The following LYRM4 variants were observed in gnomAD, a reference collection of about 807,000 sequenced individuals.
LYRM4 encodes the protein LYR motif-containing protein 4.
Under a neutral mutation model 11.7 loss-of-function variants are expected in LYRM4, and 9 were observed. The observed-to-expected ratio is 0.77, with a 90% CI of 0.46 to 1.34. The LOEUF is 1.34. LYRM4 is among the 40% of genes most tolerant of loss of function. The pLI is 0.00. For synonymous variants in LYRM4, 42 were observed against 40.4 expected, an observed-to-expected ratio of 1.04 and a Z score of -0.15; for missense variants, 133 against 112.5, an observed-to-expected ratio of 1.18 and a Z score of -0.82.
intron 1 of LYRM4, among the ~76,000 whole-genome samples, chr6:5,243,472 C>CAAT (rs1384368914): frequency 3.9e-5 from 6 of 152,148 alleles, no homozygotes; most frequent in Non-Finnish European, 7.4e-5. Flanking sequence ...CGCTGAAAGG[C>CAAT]AATAACTCTT....
rs1203712841 is a variant in LYRM4, at chr6:5,216,724, C to T, written c.101G>A (p.Arg34Lys). Residue 34 changes from arginine (R) to lysine (K), a missense_variant, in exon 2 of 3, where the codon AGG becomes AAG. By Grantham distance (26) the Arg-to-Lys change is conservative (BLOSUM62 2). Coordinates refer to ENST00000330636, the MANE Select transcript of LYRM4 (RefSeq NM_020408.6). Reference protein sequence around the residue: ...SAYNYRTYAVRRIRDAFRENK... With the variant: ...SAYNYRTYAVKRIRDAFRENK... Reference sequence around the variant, plus strand: ...TTCTCTGAAGGCATCTCTTATCCTCCTGACAGCATATGTTCTAAATGAATT... The same window carrying T: ...TTCTCTGAAGGCATCTCTTATCCTCTTGACAGCATATGTTCTAAATGAATT... 5 of 1,613,168 alleles carry T rather than the reference C, an allele frequency of 3.1e-6. No homozygotes were observed. The South Asian group carries it at 3.3e-5, about 11-fold the overall frequency.
chr6:5,114,162 G>A (rs970455485), intron 2 of LYRM4, among the ~76,000 whole-genome samples: 3 of 152,160 alleles, frequency 2.0e-5, no homozygotes, highest in African/African-American at 2.4e-5. Flanking sequence ...GTTTGTCTCC[G>A]TTCTGCCTGG....
At chr6:5,097,432 G>A in the LYRM4 span, among the ~76,000 whole-genome samples, 10 of 118,462 alleles carry the variant, frequency 8.4e-5, no homozygotes, top group Non-Finnish European at 1.5e-4. Context: ...CAGCTAAAGT[G>A]ATGGGCTAAA....
intron 2 of LYRM4, among the ~76,000 whole-genome samples, chr6:5,196,280 C>G (rs543314545): frequency 2.6e-5 from 4 of 152,298 alleles, no homozygotes; most frequent in Admixed American, 2.6e-4. Flanking sequence ...GGTCCTGGAG[C>G]CTTCACAACC....
At chr6:5,179,169 A>AAT (rs1759925228) in intron 2 of LYRM4, among the ~76,000 whole-genome samples, 2 of 152,124 alleles carry the variant, frequency 1.3e-5, no homozygotes. Context: ...ATTGTGGTAA[A>AAT]ATATATATAA....
intron 2 of LYRM4, among the ~76,000 whole-genome samples, chr6:5,112,708 A>G (rs1561803745): frequency 1.3e-5 from 2 of 152,216 alleles, no homozygotes; most frequent in African/African-American, 4.8e-5. Flanking sequence ...TAGCATGAGG[A>G]GGGCACGCAG....
chr6:5,118,007 G>A (rs1235918804), intron 2 of LYRM4, among the ~76,000 whole-genome samples: 4 of 150,744 alleles, frequency 2.7e-5, no homozygotes, highest in Non-Finnish European at 4.4e-5. Context: ...TTAAGACACT[G>A]CACTTTCCTA....
At chr6:5,117,284 C>T (rs916186737) in intron 2 of LYRM4, among the ~76,000 whole-genome samples, 4 of 152,154 alleles carry the variant, frequency 2.6e-5, no homozygotes, top group Admixed American at 1.3e-4. Context: ...GGGCGGGGCG[C>T]GGTGGCTCAC....
intron 2 of LYRM4, among the ~76,000 whole-genome samples, chr6:5,169,556 C>T (rs970754057): frequency 1.3e-5 from 2 of 151,904 alleles, no homozygotes; most frequent in East Asian, 1.9e-4. Flanking sequence ...AGTGAGTAGG[C>T]GAATTTATAA....
At chr6:5,238,562 T>C (rs969396656) in intron 1 of LYRM4, among the ~76,000 whole-genome samples, 7 of 152,354 alleles carry the variant, frequency 4.6e-5, no homozygotes, top group African/African-American at 1.2e-4. Flanking sequence ...AAATAACCCA[T>C]AGTTTATTCA....
chr6:5,065,172 C>T, the LYRM4 span, among the ~76,000 whole-genome samples: 4 of 152,140 alleles, frequency 2.6e-5, no homozygotes, highest in African/African-American at 4.8e-5. Context: ...TCAGTGTTCT[C>T]CATGTCTTTT....
At chr6:5,148,473 A>T in intron 2 of LYRM4, among the ~76,000 whole-genome samples, 1 of 40,418 alleles carries the variant, frequency 2.5e-5, no homozygotes, top group South Asian at 8.5e-4. Flanking sequence ...AGCTGGGCTG[A>T]GGGGGCAGAG....
chr6:5,066,343 C>CA, the LYRM4 span: 21 of 723,632 alleles, frequency 2.9e-5, no homozygotes, highest in Non-Finnish European at 5.4e-5. Context: ...TCTAGAAGTA[C>CA]AGGAATACGT....
chr6:5,148,470 C>A, intron 2 of LYRM4: 1 of 164,564 alleles, frequency 6.1e-6, no homozygotes, highest in Non-Finnish European at 1.4e-5. Flanking sequence ...CTGAGCTGGG[C>A]TGAGGGGGCA....
the LYRM4 span, among the ~76,000 whole-genome samples, chr6:5,097,485 A>G: frequency 6.6e-6 from 1 of 152,166 alleles, no homozygotes; most frequent in Non-Finnish European, 1.5e-5. Flanking sequence ...AGTAGCTGGG[A>G]CTACAGGCAT....
chr6:5,218,172 G>T (rs1370335549), intron 1 of LYRM4: 1 of 829,046 alleles, frequency 1.2e-6, no homozygotes, highest in Non-Finnish European at 1.5e-6. Context: ...ATCTCAAGGA[G>T]CTAGGATTAC....
At chr6:5,148,325 T>C (rs775588093) in intron 2 of LYRM4, 8 of 154,918 alleles carry the variant, frequency 5.2e-5, no homozygotes, top group African/African-American at 1.9e-4. Context: ...TGCCTCAATA[T>C]TCACTGAAAC....
chr6:5,043,503 G>A, the LYRM4 span: 1 of 152,116 alleles, frequency 6.6e-6, no homozygotes, highest in Non-Finnish European at 1.5e-5. Flanking sequence ...TGCTGCAAAG[G>A]TGCCTTAGTT....
At chr6:5,164,138 G>C (rs1339617035) in intron 2 of LYRM4, among the ~76,000 whole-genome samples, 1 of 152,170 alleles carries the variant, frequency 6.6e-6, no homozygotes, top group Non-Finnish European at 1.5e-5. Context: ...TTGCTGATGG[G>C]AATGCATTTT....
Sources: allele counts gnomAD v4.1 joint callset (sites outside exome capture counted in the v4.1 genomes callset), GRCh38; gene constraint gnomAD v4.1.1; transcripts MANE v1.5; gene names NCBI Gene and HGNC (gene_info 2026-07-23, HGNC 2026-07-21).